The following GAREM1 variants were observed in gnomAD, a reference collection of about 807,000 sequenced individuals.
GAREM1 encodes GRB2 associated regulator of MAPK1 subtype 1, also known as GRB2-associated and regulator of MAPK protein 1.
A neutral mutation model predicts 71.3 loss-of-function variants in GAREM1; 26 were observed. The observed-to-expected ratio is 0.36, with a 90% CI of 0.27 to 0.51. GAREM1 has a LOEUF of 0.51. Among genes scored for constraint, GAREM1 ranks in the 20% least tolerant of loss-of-function variants. The pLI is 0.95. For missense variants in GAREM1, 1,026 were observed against 1,103.1 expected (o/e 0.93, Z 0.99); for synonymous variants, 440 against 433.2 (o/e 1.02, Z -0.20).
At chr18:32,387,617 G>A (rs903446074) in intron 2 of GAREM1, among the ~76,000 whole-genome samples, 2 of 152,096 alleles carry the variant, frequency 1.3e-5, no homozygotes, top group Admixed American at 1.3e-4. Flanking sequence ...CATTCTCTCA[G>A]GATCAATTAT....
chr18:32,352,335 G>A (rs1406240225), intron 2 of GAREM1, among the ~76,000 whole-genome samples: 4 of 152,196 alleles, frequency 2.6e-5, no homozygotes, highest in Non-Finnish European at 2.9e-5. Flanking sequence ...AATGCATCCC[G>A]TGGCCAGCGA....
At chr18:32,405,679 C>T (rs2144677057) in intron 1 of GAREM1, among the ~76,000 whole-genome samples, 1 of 152,272 alleles carries the variant, frequency 6.6e-6, no homozygotes, top group Admixed American at 6.5e-5. Context: ...TTTCCTACTT[C>T]CTGTCCTGGC....
chr18:32,290,840 G>A (rs1035216900), intron 3 of GAREM1, among the ~76,000 whole-genome samples: 1 of 152,082 alleles, frequency 6.6e-6, no homozygotes, highest in African/African-American at 2.4e-5. Context: ...ATCACACTCA[G>A]TTGGTAAGGC....
At chr18:32,423,968 T>C (rs1160454545) in intron 1 of GAREM1, among the ~76,000 whole-genome samples, 1 of 151,946 alleles carries the variant, frequency 6.6e-6, no homozygotes, top group Non-Finnish European at 1.5e-5. Context: ...ACCCTGTCTC[T>C]ACAAAAAAAA....
intron 1 of GAREM1, among the ~76,000 whole-genome samples, chr18:32,456,241 T>C (rs1486992617): frequency 2.0e-5 from 3 of 151,800 alleles, no homozygotes; most frequent in South Asian, 2.1e-4. Flanking sequence ...ATCTAGAAAT[T>C]GACAAGAACA....
At chr18:32,422,224 G>C (rs1298080635) in intron 1 of GAREM1, among the ~76,000 whole-genome samples, 1 of 151,912 alleles carries the variant, frequency 6.6e-6, no homozygotes, top group Non-Finnish European at 1.5e-5. Context: ...TCGCCTATGA[G>C]TGAGAACATG....
chr18:32,372,515 T>G (rs182955354), intron 2 of GAREM1, among the ~76,000 whole-genome samples: 58 of 152,308 alleles, frequency 3.8e-4, no homozygotes, highest in Admixed American at 1.4e-3. Context: ...CCCTAGGAGC[T>G]ATGCCTCTGA....
chr18:32,346,248 A>G (rs576903823), intron 2 of GAREM1, among the ~76,000 whole-genome samples: 1 of 152,370 alleles, frequency 6.6e-6, no homozygotes, highest in East Asian at 1.9e-4. Flanking sequence ...GACAAGATCA[A>G]CATCAACATA....
chr18:32,278,090 A>T (rs1319851813), intron 4 of GAREM1, among the ~76,000 whole-genome samples: 1 of 152,220 alleles, frequency 6.6e-6, no homozygotes, highest in Non-Finnish European at 1.5e-5. Flanking sequence ...AGGAAACAGA[A>T]CTTTCACATG....
chr18:32,441,260 T>A (rs75537518), intron 1 of GAREM1, among the ~76,000 whole-genome samples: 2,249 of 152,160 alleles, frequency 0.015, 59 homozygotes, highest in African/African-American at 0.05. Flanking sequence ...AACAATTTTT[T>A]TTAAAATTCA....
chr18:32,469,475 T>C (rs746715305), intron 1 of GAREM1, among the ~76,000 whole-genome samples: 2 of 152,178 alleles, frequency 1.3e-5, no homozygotes, highest in Admixed American at 6.5e-5. Context: ...CACACCTAAA[T>C]TGCCACCTTA....
intron 2 of GAREM1, among the ~76,000 whole-genome samples, chr18:32,362,228 TCA>T (rs2047872181): frequency 6.6e-6 from 1 of 152,192 alleles, no homozygotes; most frequent in African/African-American, 2.4e-5. Flanking sequence ...TCTTCACGAT[TCA>T]CAGTTTCTTT....
At chr18:32,414,765 G>C (rs1889341383) in intron 1 of GAREM1, among the ~76,000 whole-genome samples, 1 of 151,796 alleles carries the variant, frequency 6.6e-6, no homozygotes, top group African/African-American at 2.4e-5. Context: ...ATATCAAAAA[G>C]GAAAAAAACC....
intron 3 of GAREM1, among the ~76,000 whole-genome samples, chr18:32,293,867 T>C (rs2047112715): frequency 6.6e-6 from 1 of 152,186 alleles, no homozygotes; most frequent in African/African-American, 2.4e-5. Context: ...TTATGTACCA[T>C]TCTAGCCAAA....
chr18:32,301,329 CAT>C (rs1202867721), intron 3 of GAREM1, among the ~76,000 whole-genome samples: 1 of 152,158 alleles, frequency 6.6e-6, no homozygotes, highest in Non-Finnish European at 1.5e-5. Flanking sequence ...TTCATTCTGA[CAT>C]GTGATATTTA....
chr18:32,447,900 T>C (rs1038534176), intron 1 of GAREM1, among the ~76,000 whole-genome samples: 5 of 152,330 alleles, frequency 3.3e-5, no homozygotes, highest in African/African-American at 1.2e-4. Context: ...TTCTTTGTTA[T>C]TATTGAGGTG....
intron 1 of GAREM1, among the ~76,000 whole-genome samples, chr18:32,424,602 CTGAAATAGCATTAACTATATCA>C (rs1260792552): frequency 6.6e-6 from 1 of 152,102 alleles, no homozygotes; most frequent in Non-Finnish European, 1.5e-5. Context: ...AAACTGGATT[CTGAAATAGCATTAACTATATCA>C]AGATACTGTA....
intron 2 of GAREM1, among the ~76,000 whole-genome samples, chr18:32,327,526 T>C (rs1157711867): frequency 1.3e-5 from 2 of 152,014 alleles, no homozygotes; most frequent in Non-Finnish European, 2.9e-5. Flanking sequence ...TGAAAGCAAA[T>C]AGAGATTGCA....
intron 2 of GAREM1, among the ~76,000 whole-genome samples, chr18:32,366,098 C>T (rs1302984460): frequency 6.6e-6 from 1 of 152,038 alleles, no homozygotes; most frequent in East Asian, 1.9e-4. Context: ...TATACTGCTA[C>T]CTCTCCCTGC....
Sources: gnomAD v4.1 joint callset for allele counts (sites outside exome capture counted in the v4.1 genomes callset) on GRCh38, gnomAD v4.1.1 for gene constraint, MANE v1.5 for transcripts, NCBI Gene and HGNC (gene_info 2026-07-23, HGNC 2026-07-21) for gene names.